The following ZSCAN5B variants were observed in gnomAD, a reference collection of about 807,000 sequenced individuals.
ZSCAN5B encodes zinc finger and SCAN domain-containing protein 5B.
In ZSCAN5B, 26 loss-of-function variants were observed where a neutral mutation model predicts 25.2. That is an observed-to-expected ratio of 1.03 (90% CI 0.76 to 1.43). The LOEUF (loss-of-function observed/expected upper bound fraction) is 1.43, where lower values mean the gene tolerates loss of function less well. Ranked by LOEUF, ZSCAN5B falls within the 40% of genes most tolerant of loss-of-function variation. The probability of loss-of-function intolerance (pLI) is 0.00; values close to 1 mark genes in which losing one functional copy is unlikely to be tolerated. For synonymous variants in ZSCAN5B, 244 were observed against 240.9 expected, an observed-to-expected ratio of 1.01 and a Z score of -0.12; for missense variants, 745 against 622.1, an observed-to-expected ratio of 1.20 and a Z score of -2.10.
intron 2 of ZSCAN5B, 77 bp downstream of exon 2, chr19:56,192,592 G>C: frequency 6.5e-7 from 1 of 1,531,508 alleles, no homozygotes; most frequent in Non-Finnish European, 8.8e-7. Context: ...TAGCTGTGCT[G>C]ATATTTGAGA....
exon 5 of ZSCAN5B, chr19:56,189,852 G>C (rs941520414): frequency 6.2e-7 from 1 of 1,612,308 alleles, no homozygotes; most frequent in South Asian, 1.1e-5. Context: ...TTCCCGGTGT[G>C]TTTTCAGGTG....
intron 1 of ZSCAN5B, among the ~76,000 whole-genome samples, chr19:56,195,384 G>C (rs568993880): frequency 9.2e-5 from 14 of 152,184 alleles, no homozygotes; most frequent in African/African-American, 3.4e-4. Context: ...TCTAGGAAAA[G>C]GTGCTCGTCA....
chr19:56,189,824 G>T, exon 5 of ZSCAN5B: 1 of 1,602,038 alleles, frequency 6.2e-7, no homozygotes, highest in Non-Finnish European at 8.5e-7. Flanking sequence ...CCTGACTCTG[G>T]AATCACTGGG....
chr19:56,191,847 C>T lies in ZSCAN5B; in HGVS notation c.588+3G>A. ...CCCAGACACCAAGGCCTCACACACT[C>T]ACCTGCCTCCTGGACAGTGCAGCGA... On this transcript the variant is annotated splice_donor_region_variant and intron_variant, in intron 3 of 4. Coordinates refer to ENST00000586855, the Ensembl canonical transcript of ZSCAN5B. 6.2e-7 allele frequency: 1 copy of T among 1,613,698 alleles called. No individual in the cohort carries two copies. The highest frequency in any genetic ancestry group is 8.5e-7 in the Non-Finnish European group (1 of 1,179,710).
At chr19:56,194,882 C>T (rs2032788508) in intron 1 of ZSCAN5B, among the ~76,000 whole-genome samples, 2 of 152,184 alleles carry the variant, frequency 1.3e-5, no homozygotes, top group East Asian at 1.9e-4. Flanking sequence ...GGATTATAGG[C>T]GTGAGCCATC....
At chr19:56,191,883 G>A (rs1331160745) in exon 3 of ZSCAN5B, 3 of 1,614,026 alleles carry the variant, frequency 1.9e-6, no homozygotes, top group East Asian at 2.2e-5. Context: ...CCCTGGGCAG[G>A]ATCTGCTGCT....
exon 3 of ZSCAN5B, chr19:56,192,017 G>A: frequency 6.2e-7 from 1 of 1,613,636 alleles, no homozygotes. Context: ...TCTGAGTTCA[G>A]CATAAGATAT....
chr19:56,196,875 C>G (rs993529403), intron 1 of ZSCAN5B, among the ~76,000 whole-genome samples: 9 of 152,202 alleles, frequency 5.9e-5, no homozygotes, highest in African/African-American at 2.2e-4. Context: ...GTTCCCTAAG[C>G]GCCCCTGCTC....
intron 1 of ZSCAN5B, among the ~76,000 whole-genome samples, chr19:56,195,804 C>G (rs1369208133): frequency 6.6e-6 from 1 of 151,960 alleles, no homozygotes; most frequent in Non-Finnish European, 1.5e-5. Context: ...CGTAACAAAT[C>G]TGCACAGGCA....
chr19:56,197,245 T>C (rs2032822083), intron 1 of ZSCAN5B, among the ~76,000 whole-genome samples: 2 of 151,896 alleles, frequency 1.3e-5, no homozygotes, highest in Admixed American at 6.6e-5. Flanking sequence ...CGACCTCGGC[T>C]CACTGCAACC....
At chr19:56,196,233 G>A (rs773337877) in intron 1 of ZSCAN5B, among the ~76,000 whole-genome samples, 10 of 151,946 alleles carry the variant, frequency 6.6e-5, no homozygotes, top group Non-Finnish European at 1.2e-4. Flanking sequence ...TGTATTTTTA[G>A]TAGAGATGGG....
At chr19:56,195,472 A>G (rs1008019370) in intron 1 of ZSCAN5B, among the ~76,000 whole-genome samples, 4 of 151,560 alleles carry the variant, frequency 2.6e-5, no homozygotes, top group African/African-American at 9.7e-5. Flanking sequence ...TCCCAAAAAG[A>G]CACATGGAAC....
chr19:56,197,108 C>A (rs1235670682), intron 1 of ZSCAN5B, among the ~76,000 whole-genome samples: 1 of 152,076 alleles, frequency 6.6e-6, no homozygotes, highest in East Asian at 1.9e-4. Context: ...GAGACCCCGT[C>A]TCTGAAAAAT....
intron 1 of ZSCAN5B, among the ~76,000 whole-genome samples, chr19:56,195,289 A>G (rs1184743223): frequency 6.6e-6 from 1 of 152,188 alleles, no homozygotes; most frequent in Non-Finnish European, 1.5e-5. Context: ...AAACTCCTCC[A>G]GAGCGAGAAA....
At chr19:56,197,817 G>C in exon 1 of ZSCAN5B, 1 of 985,342 alleles carries the variant, frequency 1.0e-6, no homozygotes, top group Non-Finnish European at 1.2e-6. Context: ...TCTATTTATG[G>C]AGAAGCGGGA....
Position 56,192,073 on chromosome 19 carries a change from A to C in ZSCAN5B, c.385-20T>G. The C allele has an allele frequency of 6.3e-7, 1 of 1,596,692 alleles. No individual in the cohort carries two copies. The highest frequency in any genetic ancestry group is 8.5e-7 in the Non-Finnish European group (1 of 1,170,974). Reference sequence around the variant, plus strand: ...TATAGACTGTAGAGAGAAAAAAGACAATCAGACACTATGAGAACCTGAAAG... The same window carrying C: ...TATAGACTGTAGAGAGAAAAAAGACCATCAGACACTATGAGAACCTGAAAG... On this transcript the variant is annotated intron_variant, in intron 2 of 4. Transcript: ENST00000586855.
exon 5 of ZSCAN5B, chr19:56,190,171 G>T: frequency 6.2e-7 from 1 of 1,614,034 alleles, no homozygotes; most frequent in Non-Finnish European, 8.5e-7. Context: ...CATTGAAAGG[G>T]TCTGTCTCCT....
chr19:56,190,813 G>A (rs548624993), intron 4 of ZSCAN5B, 24 bp downstream of exon 4: 11 of 1,610,794 alleles, frequency 6.8e-6, no homozygotes, highest in Middle Eastern at 1.7e-4. Context: ...ACTAACCCCT[G>A]TGGATCCAAG....
In ZSCAN5B at chr19:56,197,570, A is replaced by C. The variant is rs1221680370; in HGVS notation, c.-128+164T>G. Reference sequence around the variant, plus strand: ...AATATTATTCCTAGTTTACAGAAGCACTTCATCGCCAGTCAGAGTTAATCA... The same window carrying C: ...AATATTATTCCTAGTTTACAGAAGCCCTTCATCGCCAGTCAGAGTTAATCA... On this transcript the variant is annotated intron_variant, in intron 1 of 4. Coordinates refer to ENST00000586855, the Ensembl canonical transcript of ZSCAN5B. 2.0e-5 allele frequency among the ~76,000 whole-genome samples: 3 copies of C among 152,096 alleles called. No individual in the cohort carries two copies. The East Asian group carries it at 5.8e-4, about 29-fold the overall frequency.
Sources: gnomAD v4.1 joint callset for allele counts (sites outside exome capture counted in the v4.1 genomes callset) on GRCh38, gnomAD v4.1.1 for gene constraint, MANE v1.5 for transcripts, NCBI Gene and HGNC (gene_info 2026-07-23, HGNC 2026-07-21) for gene names.